Variants in DMD observed in about 807,000 individuals in gnomAD.
DMD encodes dystrophin.
A neutral mutation model predicts 330.1 loss-of-function variants in DMD; 63 were observed. The ratio of observed to expected loss-of-function variants is 0.19; its 90% CI spans 0.16 to 0.24. The LOEUF (loss-of-function observed/expected upper bound fraction) is 0.24. DMD is among the 10% of genes least tolerant of loss of function. DMD has a pLI of 1.00. For synonymous variants in DMD, 1,223 were observed against 959.8 expected (o/e 1.27, Z -5.07); for missense variants, 3,344 against 2,684.1 (o/e 1.25, Z -5.43).
intron 11 of DMD, among the ~76,000 whole-genome samples, chrX:32,640,382 ATAAG>A (rs1288752459): frequency 9.1e-6 from 1 of 110,076 alleles, no homozygotes; most frequent in Non-Finnish European, 1.9e-5. Flanking sequence ...GTTCACATAA[ATAAG>A]TGTTTGAGAA....
intron 49 of DMD, among the ~76,000 whole-genome samples, chrX:31,834,508 C>T (rs943436005): frequency 2.7e-5 from 3 of 111,830 alleles, no homozygotes; most frequent in African/African-American, 9.7e-5. Flanking sequence ...AGCGCGATCT[C>T]GGCTCACTGC....
chrX:32,706,631 G>A (rs1383947656), intron 7 of DMD, among the ~76,000 whole-genome samples: 1 of 111,428 alleles, frequency 9.0e-6, no homozygotes, highest in Admixed American at 9.6e-5. Context: ...TGCTTGCCTA[G>A]AGCATAACAG....
chrX:31,988,402 C>A (rs1468426630), intron 44 of DMD, among the ~76,000 whole-genome samples: 13 of 89,602 alleles, frequency 1.5e-4, no homozygotes, highest in Non-Finnish European at 2.7e-4. Context: ...TGAACCCGGG[C>A]AGTGGAGCTT....
At chrX:32,746,107 C>T (rs933275909) in intron 7 of DMD, among the ~76,000 whole-genome samples, 4 of 112,062 alleles carry the variant, frequency 3.6e-5, no homozygotes, top group Non-Finnish European at 7.5e-5. Context: ...TATCATTCTA[C>T]AGGTAATAAC....
At chrX:32,234,813 G>A (rs1293908578) in intron 43 of DMD, among the ~76,000 whole-genome samples, 2 of 111,264 alleles carry the variant, frequency 1.8e-5, no homozygotes, top group Non-Finnish European at 3.8e-5. Flanking sequence ...TACTGTATTT[G>A]GTGTCCTCTT....
intron 11 of DMD, among the ~76,000 whole-genome samples, chrX:32,634,001 A>G (rs891234869): frequency 3.6e-5 from 4 of 111,814 alleles, no homozygotes; most frequent in African/African-American, 9.8e-5. Flanking sequence ...TGTCCAAACT[A>G]TATCAACTCA....
intron 11 of DMD, among the ~76,000 whole-genome samples, chrX:32,618,370 A>G (rs897423919): frequency 4.5e-5 from 5 of 111,908 alleles, no homozygotes; most frequent in Non-Finnish European, 9.4e-5. Context: ...AGAAACGTAG[A>G]TGAAGCTGGA....
At chrX:33,051,665 T>TTTTTTTTTTTTTTTTTTTTTTTAA in intron 1 of DMD, among the ~76,000 whole-genome samples, 1 of 86,460 alleles carries the variant, frequency 1.2e-5, no homozygotes, top group African/African-American at 4.3e-5. Flanking sequence ...TTTTTTTTTT[T>TTTTTTTTTTTTTTTTTTTTTTTAA]GAGACGGAGA....
intron 9 of DMD, among the ~76,000 whole-genome samples, chrX:32,675,630 G>A (rs1453965551): frequency 1.8e-5 from 2 of 111,334 alleles, no homozygotes; most frequent in African/African-American, 3.3e-5. Context: ...AAAGCTCTAT[G>A]TTGTGTCATT....
chrX:32,083,278 T>TC (rs1321139012), intron 44 of DMD, among the ~76,000 whole-genome samples: 1 of 109,822 alleles, frequency 9.1e-6, no homozygotes, highest in African/African-American at 3.3e-5. Flanking sequence ...AAATCTTTTT[T>TC]TTTTTTCTTT....
At chrX:32,141,772 A>C in intron 44 of DMD, among the ~76,000 whole-genome samples, 1 of 109,968 alleles carries the variant, frequency 9.1e-6, no homozygotes, top group Non-Finnish European at 1.9e-5. Flanking sequence ...AGAAAGCCTT[A>C]ATTTTAATTT....
chrX:33,041,404 C>A, intron 1 of DMD: 1 of 1,194,546 alleles, frequency 8.4e-7, no homozygotes, highest in East Asian at 3.0e-5. Context: ...CATGGCCGAT[C>A]CTCGCGTGAG....
At chrX:31,681,177 C>A (rs1210119425) in intron 52 of DMD, among the ~76,000 whole-genome samples, 1 of 111,883 alleles carries the variant, frequency 8.9e-6, no homozygotes, top group African/African-American at 3.2e-5. Context: ...CTGATCACTG[C>A]ACTCCCTCTT....
At chrX:32,386,942 A>T (rs1439094581) in intron 32 of DMD, among the ~76,000 whole-genome samples, 1 of 110,438 alleles carries the variant, frequency 9.1e-6, no homozygotes, top group East Asian at 2.8e-4. Context: ...ACACACATTC[A>T]CTATTGTTCT....
chrX:32,475,918 A>C (rs938849595), intron 21 of DMD, among the ~76,000 whole-genome samples: 3 of 110,903 alleles, frequency 2.7e-5, no homozygotes, highest in African/African-American at 9.8e-5. Context: ...TACTATGCTG[A>C]AGAGGAGTGG....
In DMD at chrX:32,200,855, G is replaced by A. The variant is rs180879725; in HGVS notation, c.6438+16061C>T. On this transcript the variant is annotated intron_variant, in intron 44 of 78. Coordinates refer to ENST00000357033, the MANE Select transcript of DMD (RefSeq NM_004006.3). The stretch of plus-strand genomic sequence containing the variant: ...TTATGTGGCTAGGGGGCACTGAATT[G>A]GACTTTGCAGCTCTAAAGAGAGACC... Among the ~76,000 whole-genome samples the A allele has an allele frequency of 1.1e-3, 123 of 111,481 alleles. No individual in the cohort carries two copies. In the Middle Eastern group the frequency reaches 0.014, roughly 13 times the overall value.
chrX:31,857,216 T>C (rs1412434978), intron 48 of DMD, among the ~76,000 whole-genome samples: 5 of 107,970 alleles, frequency 4.6e-5, no homozygotes, highest in African/African-American at 1.3e-4. Flanking sequence ...CTGTCTCTAC[T>C]AAAAATACAA....
intron 54 of DMD, among the ~76,000 whole-genome samples, chrX:31,628,069 TG>T (rs1366393450): frequency 9.0e-6 from 1 of 111,175 alleles, no homozygotes; most frequent in East Asian, 2.8e-4. Context: ...GGCGTTTGTA[TG>T]GGGGAAGGCA....
At chrX:32,738,443 T>C (rs1197052821) in intron 7 of DMD, among the ~76,000 whole-genome samples, 1 of 111,890 alleles carries the variant, frequency 8.9e-6, no homozygotes, top group Admixed American at 9.5e-5. Context: ...AGTTTGCTTC[T>C]ACATTTTAAT....
Sources: gnomAD v4.1 joint callset for allele counts (sites outside exome capture counted in the v4.1 genomes callset) on GRCh38, gnomAD v4.1.1 for gene constraint, MANE v1.5 for transcripts, NCBI Gene and HGNC (gene_info 2026-07-23, HGNC 2026-07-21) for gene names.